Variants in C10orf90 observed in about 807,000 individuals in gnomAD.
C10orf90 encodes chromosome 10 open reading frame 90, also known as (E2-independent) E3 ubiquitin-conjugating enzyme FATS.
Under a neutral mutation model 62.5 loss-of-function variants are expected in C10orf90, and 56 were observed. The ratio of observed to expected loss-of-function variants is 0.90; its 90% CI spans 0.72 to 1.12. The LOEUF (loss-of-function observed/expected upper bound fraction) is 1.12, where lower values mean the gene tolerates loss of function less well. Among genes scored for constraint, C10orf90 ranks in the 50% most tolerant of loss-of-function variants. The pLI is 0.00. For synonymous variants in C10orf90, 386 were observed against 340.4 expected (o/e 1.13, Z -1.47); for missense variants, 970 against 880.4 (o/e 1.10, Z -1.29).
chr10:126,598,291 C>T (rs1406833090), intron 2 of C10orf90, among the ~76,000 whole-genome samples: 1 of 152,200 alleles, frequency 6.6e-6, no homozygotes, highest in East Asian at 1.9e-4. Flanking sequence ...TCTAGCAGGG[C>T]TAGCCTTTGG....
At chr10:126,549,161 G>A (rs1312061905) in intron 2 of C10orf90, among the ~76,000 whole-genome samples, 1 of 152,152 alleles carries the variant, frequency 6.6e-6, no homozygotes, top group East Asian at 1.9e-4. Context: ...TTGACAAATT[G>A]TACTTAATCA....
At chr10:126,469,941 C>T (rs1860483755) in intron 4 of C10orf90, 1 of 456,640 alleles carries the variant, frequency 2.2e-6, no homozygotes, top group South Asian at 1.5e-5. Flanking sequence ...AGGTGTTCTT[C>T]TGCATGCAAT....
At chr10:126,572,203 C>A (rs1319722209) in intron 2 of C10orf90, among the ~76,000 whole-genome samples, 2 of 152,068 alleles carry the variant, frequency 1.3e-5, no homozygotes, top group East Asian at 3.9e-4. Flanking sequence ...AGTTAAGAAG[C>A]CTGCCAAACC....
At chr10:126,621,012 T>G (rs1462234354) in intron 2 of C10orf90, among the ~76,000 whole-genome samples, 1 of 152,216 alleles carries the variant, frequency 6.6e-6, no homozygotes, top group Non-Finnish European at 1.5e-5. Context: ...AACTTCCATT[T>G]TAAATGAATG....
At chr10:126,440,965 A>G (rs1409809769) in intron 7 of C10orf90, among the ~76,000 whole-genome samples, 2 of 152,178 alleles carry the variant, frequency 1.3e-5, no homozygotes, top group African/African-American at 4.8e-5. Context: ...ATGACAAAAC[A>G]TATTAGGCTC....
rs896954311 is a variant in C10orf90, at chr10:126,533,954, A to T, written c.314-20015T>A. ...CAGAGTGTTTGGGTGGCACCTTGCC[A>T]CTGAGACCAGGAACCCCGTGCAAGC... On this transcript the variant is annotated intron_variant, in intron 2 of 9. Transcript: ENST00000488181. Among the ~76,000 whole-genome samples the T allele has an allele frequency of 5.3e-5, 8 of 152,296 alleles. No homozygotes were observed. The South Asian group carries it at 1.7e-3, about 32-fold the overall frequency.
rs373128291 is a variant in C10orf90, at chr10:126,476,095, C to G, written c.1535-11109G>C. On this transcript the variant is annotated intron_variant, in intron 4 of 9. Coordinates refer to ENST00000488181, the MANE Select transcript of C10orf90 (RefSeq NM_001350921.2). ...TTTCCATTACAAGATCTAGAAACCC[C>G]ATTTTAGGAAGATATAAATATCTTA... is the stretch of plus-strand genomic sequence containing the variant. Among the ~76,000 whole-genome samples, 10 of 152,218 alleles carry G rather than the reference C, an allele frequency of 6.6e-5. No homozygotes were observed. In the South Asian group the frequency reaches 1.5e-3, roughly 22 times the overall value.
At chr10:126,532,327 G>A (rs1465476303) in intron 2 of C10orf90, among the ~76,000 whole-genome samples, 3 of 152,076 alleles carry the variant, frequency 2.0e-5, no homozygotes, top group Non-Finnish European at 2.9e-5. Flanking sequence ...TCGTCTAAGA[G>A]GCCACAGAGT....
chr10:126,517,708 G>A (rs748550396), intron 2 of C10orf90, among the ~76,000 whole-genome samples: 82 of 152,032 alleles, frequency 5.4e-4, no homozygotes, highest in Admixed American at 2.6e-3. Context: ...TCAAGAGATC[G>A]AGACCATCCT....
At position 126,653,639 on chromosome 10, in the gene C10orf90, T is replaced by C. The variant is rs554088183; in HGVS notation, c.241-7002A>G. ...ATCCATGAGGGTTGGAATCAACTTCTTCCAAACTCCTGTTAATGTGCTATT... is the reference window on the plus strand; with the variant it reads ...ATCCATGAGGGTTGGAATCAACTTCCTCCAAACTCCTGTTAATGTGCTATT... On this transcript the variant is annotated intron_variant, in intron 1 of 9. Transcript: ENST00000488181. 2.0e-5 allele frequency among the ~76,000 whole-genome samples: 3 copies of C among 152,306 alleles called. No individual in the cohort carries two copies. The East Asian group carries it at 5.8e-4, about 29-fold the overall frequency.
chr10:126,567,775 G>A (rs1844423437), intron 2 of C10orf90, among the ~76,000 whole-genome samples: 1 of 152,156 alleles, frequency 6.6e-6, no homozygotes, highest in South Asian at 2.1e-4. Flanking sequence ...GGAGCAGGTG[G>A]AGAAGGGGGA....
chr10:126,569,119 G>A (rs1192823830), intron 2 of C10orf90, among the ~76,000 whole-genome samples: 2 of 152,126 alleles, frequency 1.3e-5, no homozygotes, highest in African/African-American at 2.4e-5. Flanking sequence ...GAGTCTGGGA[G>A]CAGTAGTGGG....
chr10:126,497,070 G>C (rs1862100641), intron 4 of C10orf90, among the ~76,000 whole-genome samples: 1 of 152,228 alleles, frequency 6.6e-6, no homozygotes, highest in African/African-American at 2.4e-5. Flanking sequence ...CCAGTGTCTG[G>C]TACCACAGCT....
At chr10:126,666,085 A>C (rs561842096) in intron 1 of C10orf90, among the ~76,000 whole-genome samples, 1 of 152,296 alleles carries the variant, frequency 6.6e-6, no homozygotes, top group Non-Finnish European at 1.5e-5. Flanking sequence ...AGCCCACATC[A>C]GGGTTTCTAG....
intron 2 of C10orf90, among the ~76,000 whole-genome samples, chr10:126,539,638 A>G (rs1361394149): frequency 6.6e-6 from 1 of 152,242 alleles, no homozygotes; most frequent in Non-Finnish European, 1.5e-5. Context: ...ACTTTAATAA[A>G]GCAAAAGAAA....
intron 2 of C10orf90, among the ~76,000 whole-genome samples, chr10:126,551,765 C>T (rs142762769): frequency 2.3e-3 from 352 of 152,310 alleles, no homozygotes; most frequent in African/African-American, 8.2e-3. Flanking sequence ...AATCAAAAAT[C>T]GCTTTCCTTA....
chr10:126,522,832 T>C (rs1234334442), intron 2 of C10orf90: 3 of 152,194 alleles, frequency 2.0e-5, no homozygotes, highest in African/African-American at 7.2e-5. Flanking sequence ...TGACGCCTGG[T>C]CCAGGTTGAC....
At chr10:126,590,570 C>T (rs754986189) in intron 2 of C10orf90, among the ~76,000 whole-genome samples, 13 of 152,154 alleles carry the variant, frequency 8.5e-5, no homozygotes, top group African/African-American at 2.9e-4. Context: ...AATTCAATAG[C>T]GTGCTCCTGA....
intron 2 of C10orf90, among the ~76,000 whole-genome samples, chr10:126,560,715 G>T (rs1337246816): frequency 6.6e-6 from 1 of 152,144 alleles, no homozygotes; most frequent in African/African-American, 2.4e-5. Context: ...AATATCATAG[G>T]CTTTGCAGGC....
Sources: gnomAD v4.1 joint callset for allele counts (sites outside exome capture counted in the v4.1 genomes callset) on GRCh38, gnomAD v4.1.1 for gene constraint, MANE v1.5 for transcripts, NCBI Gene and HGNC (gene_info 2026-07-23, HGNC 2026-07-21) for gene names.